Variants in PLCH2 observed in about 807,000 individuals in gnomAD.
PLCH2 encodes phospholipase C eta 2, also known as 1-phosphatidylinositol 4,5-bisphosphate phosphodiesterase eta-2.
PLCH2 carries 98 observed loss-of-function variants against 134.7 expected under a neutral mutation model. The observed-to-expected ratio is 0.73, with a 90% CI of 0.62 to 0.86. PLCH2 has a LOEUF of 0.86. Among genes scored for constraint, PLCH2 ranks in the 40% least tolerant of loss-of-function variants. The probability of loss-of-function intolerance (pLI) is 0.00; values close to 1 mark genes in which losing one functional copy is unlikely to be tolerated. For missense variants in PLCH2, 1,994 were observed against 1,986.6 expected (o/e 1.00, Z -0.07); for synonymous variants, 974 against 827.5 (o/e 1.18, Z -3.04).
rs1357994771 is a variant in PLCH2, at chr1:2,489,855, C to G, written c.1503C>G (p.Leu501=). ...SADEIDDDCK[L]LNGDASTNRK... Reference sequence around the variant, plus strand: ...ATGAGATTGACGATGACTGCAAGCTCCTCAATGGGGATGTGAGTCGGGCTG... The same window carrying G: ...ATGAGATTGACGATGACTGCAAGCTGCTCAATGGGGATGTGAGTCGGGCTG... The change falls in exon 10 of 22, where the codon CTC becomes CTG. Residue 501 remains leucine, a synonymous_variant. Coordinates refer to ENST00000378486, the MANE Select transcript of PLCH2 (RefSeq NM_014638.4). 3 of 1,611,678 alleles carry G rather than the reference C, an allele frequency of 1.9e-6. No individual in the cohort carries two copies. Among genetic ancestry groups the G allele is most frequent in the Non-Finnish European group, 2.5e-6 (3 of 1,177,974 alleles).
Position 2,503,930 on chromosome 1 carries a change from C to A in PLCH2, c.2968C>A (p.Pro990Thr). ...CCCCCACCTCCCCACAGACACCCGC[C>A]CCCTCTCCACGCAGCGGCCACTCCC... ...PGSGSPRDTR[P>T]LSTQRPLPPL... Residue 990 changes from proline to threonine, a missense_variant, in exon 22 of 22, where the codon CCC becomes ACC. Pro to Thr is a conservative substitution (Grantham distance 38). Transcript: ENST00000378486. The A allele has an allele frequency of 2.8e-6, 3 of 1,084,064 alleles. No individual in the cohort carries two copies. The highest frequency in any genetic ancestry group is 4.1e-6 in the Non-Finnish European group (3 of 731,662). The allele number at this position is 1,084,064 out of a possible 1,614,324, so 67.2% of individuals were successfully genotyped here.
At chr1:2,473,834 G>A (rs1048072066), upstream of PLCH2, among the ~76,000 whole-genome samples, 17 of 152,244 alleles carry the variant, frequency 1.1e-4, no homozygotes, top group Middle Eastern at 3.2e-3. Flanking sequence ...ATATCTGCCC[G>A]ACCAGGACTG....
chr1:2,477,897 G>A (rs990642451), intron 1 of PLCH2, among the ~76,000 whole-genome samples: 2 of 152,310 alleles, frequency 1.3e-5, no homozygotes, highest in South Asian at 2.1e-4. Flanking sequence ...TCAGGAATTC[G>A]ACCGCTCCCA....
intron 10 of PLCH2, among the ~76,000 whole-genome samples, 162 bp downstream of exon 10, chr1:2,490,029 C>A: frequency 7.3e-6 from 1 of 136,456 alleles, no homozygotes; most frequent in Non-Finnish European, 1.6e-5. Context: ...GTCCTCCCTG[C>A]CCACCCACCC....
intron 2 of PLCH2, among the ~76,000 whole-genome samples, chr1:2,434,265 G>A (rs1009789029): frequency 1.2e-4 from 18 of 152,230 alleles, no homozygotes; most frequent in African/African-American, 4.1e-4. Flanking sequence ...GTCCCTGCCT[G>A]AAGCCAGGTC....
chr1:2,428,579 C>T (rs1014983257), intron 1 of PLCH2, among the ~76,000 whole-genome samples: 4 of 152,266 alleles, frequency 2.6e-5, no homozygotes, highest in East Asian at 1.9e-4. Flanking sequence ...CGGCAGCCGA[C>T]GTGGCGTTGT....
chr1:2,451,834 G>A (rs868182497), intron 2 of PLCH2, among the ~76,000 whole-genome samples: 7 of 152,192 alleles, frequency 4.6e-5, no homozygotes, highest in African/African-American at 1.4e-4. Flanking sequence ...CCGGGGGGGC[G>A]GTGGGTGGTG....
At chr1:2,431,850 C>T (rs148054677) in intron 2 of PLCH2, among the ~76,000 whole-genome samples, 1 of 152,260 alleles carries the variant, frequency 6.6e-6, no homozygotes, top group African/African-American at 2.4e-5. Context: ...TACCCTCATC[C>T]TGGGGGCCTT....
chr1:2,427,431 A>G (rs1197789672), intron 1 of PLCH2, among the ~76,000 whole-genome samples: 1 of 152,082 alleles, frequency 6.6e-6, no homozygotes, highest in African/African-American at 2.4e-5. Context: ...TCTGGGCCTC[A>G]ATCTCTCCCT....
At chr1:2,442,100 C>T (rs985588439) in intron 2 of PLCH2, among the ~76,000 whole-genome samples, 4 of 152,160 alleles carry the variant, frequency 2.6e-5, no homozygotes, top group African/African-American at 4.8e-5. Context: ...AGCCTCTCCG[C>T]GGTGAGCTTT....
At chr1:2,434,891 G>A (rs1639251713) in intron 2 of PLCH2, among the ~76,000 whole-genome samples, 1 of 152,162 alleles carries the variant, frequency 6.6e-6, no homozygotes. Flanking sequence ...CGCCCATGCT[G>A]TACCCAGGCT....
Position 2,505,160 on chromosome 1 carries a change from G to T in PLCH2, c.4198G>T (p.Ala1400Ser). 1.3e-6 allele frequency: 2 copies of T among 1,566,764 alleles called. No homozygotes were observed. The highest frequency in any genetic ancestry group is 1.4e-5 in the African/African-American group (1 of 73,992). The change falls in exon 22 of 22, where the codon GCC becomes TCC. Residue 1400 changes from alanine to serine, a missense_variant. Around this residue, in one of 2 missense-constraint regions of PLCH2, gnomAD observed 900 missense variants for 752.3 expected, o/e 1.20. Transcript: ENST00000378486. ...GGATGCACCAGCACCCTCCAAGGGAGCCCTCGGGCCAGCATCCGCGGCTGC... is the reference window on the plus strand; with the variant it reads ...GGATGCACCAGCACCCTCCAAGGGATCCCTCGGGCCAGCATCCGCGGCTGC... ...SVDAPAPSKG[A>S]LGPASAAAEN...
intron 2 of PLCH2, among the ~76,000 whole-genome samples, chr1:2,435,681 G>C (rs1445221865): frequency 6.6e-6 from 1 of 152,112 alleles, no homozygotes; most frequent in South Asian, 2.1e-4. Flanking sequence ...TGATCTCCAG[G>C]AGGGGAGACT....
At chr1:2,419,495 C>T in the PLCH2 span, among the ~76,000 whole-genome samples, 1 of 152,130 alleles carries the variant, frequency 6.6e-6, no homozygotes, top group Non-Finnish European at 1.5e-5. Flanking sequence ...GGGGGGTTTT[C>T]CACTTGTTGT....
At chr1:2,449,835 G>A (rs1053381406) in intron 2 of PLCH2, among the ~76,000 whole-genome samples, 3 of 152,198 alleles carry the variant, frequency 2.0e-5, no homozygotes, top group Non-Finnish European at 4.4e-5. Context: ...CCCCAGCCTC[G>A]CCCCGTCCTG....
At chr1:2,440,289 C>A (rs1032621072) in intron 2 of PLCH2, among the ~76,000 whole-genome samples, 2 of 152,144 alleles carry the variant, frequency 1.3e-5, no homozygotes, top group Non-Finnish European at 2.9e-5. Context: ...TGGGGAGGAT[C>A]TCGGGTGGGG....
Position 2,476,339 on chromosome 1 carries a change from T to A in PLCH2, c.-250T>A, listed in dbSNP as rs1034295695. 3.8e-4 allele frequency: 153 copies of A among 402,728 alleles called. No individual in the cohort carries two copies. Among genetic ancestry groups the A allele is most frequent in the Non-Finnish European group, 6.0e-4 (137 of 227,948 alleles). 24.9% of individuals were successfully genotyped at this position (402,728 alleles called of 1,614,324 possible). On this transcript the variant is annotated 5_prime_UTR_variant, in exon 1 of 22. Transcript: ENST00000378486. The stretch of plus-strand genomic sequence containing the variant: ...GGCGGCTGCGTCAGGGATTCCTTGG[T>A]GGCCCTGGAGGGTGGATAGGCTGGC...
rs568996016 is a variant in PLCH2 at position 2,495,514 on chromosome 1, G to T, written c.1779G>T (p.Ala593=). Residue 593 remains alanine, a synonymous_variant, in exon 13 of 22, where the codon GCG becomes GCT. Coordinates refer to ENST00000378486, the MANE Select transcript of PLCH2 (RefSeq NM_014638.4). ...AGAAGGGCAGCAAGCTGAAGAAGGCGGCCAGCGTGGAGGAGGGAGATGAGG... is the reference window on the plus strand; with the variant it reads ...AGAAGGGCAGCAAGCTGAAGAAGGCTGCCAGCGTGGAGGAGGGAGATGAGG... The part of the protein sequence containing the change: ...RKKKGSKLKK[A]ASVEEGDEGQ... 2 of 1,552,082 alleles carry T rather than the reference G, an allele frequency of 1.3e-6. No homozygotes were observed. Among genetic ancestry groups the T allele is most frequent in the Non-Finnish European group, 8.7e-7 (1 of 1,147,250 alleles).
intron 2 of PLCH2, among the ~76,000 whole-genome samples, chr1:2,455,756 G>T (rs1234781217): frequency 6.6e-6 from 1 of 152,140 alleles, no homozygotes; most frequent in South Asian, 2.1e-4. Context: ...GTGTGAGAGG[G>T]CCCAGTTCGG....
Sources: allele counts gnomAD v4.1 joint callset (sites outside exome capture counted in the v4.1 genomes callset), GRCh38; gene constraint gnomAD v4.1.1; regional missense constraint gnomAD v4.1.1; transcripts MANE v1.5; gene names NCBI Gene and HGNC (gene_info 2026-07-23, HGNC 2026-07-21).